EPS15L1: variants seen among roughly 807,000 people sequenced by gnomAD.
EPS15L1 encodes the protein epidermal growth factor receptor substrate 15-like 1.
Under a neutral mutation model 117.1 loss-of-function variants are expected in EPS15L1, and 43 were observed. That is an observed-to-expected ratio of 0.37 (90% CI 0.29 to 0.47). The LOEUF is 0.47. Ranked by LOEUF, EPS15L1 falls within the 20% of genes least tolerant of loss-of-function variation. The pLI, the probability that EPS15L1 is intolerant of heterozygous loss-of-function variation, is 0.99. For synonymous variants in EPS15L1, 459 were observed against 470.5 expected, an observed-to-expected ratio of 0.98 and a Z score of 0.32; for missense variants, 981 against 1,164.0, an observed-to-expected ratio of 0.84 and a Z score of 2.29.
rs1251592575 is a variant in EPS15L1 at position 16,381,286 on chromosome 19, A to G, written c.2247+3843T>C. The stretch of plus-strand genomic sequence containing the variant: ...AAAGGAGGCGCAGCCTGCCCACATC[A>G]CACAGCAGGTCCACGGCGGATCCAG... On this transcript the variant is annotated intron_variant, in intron 21 of 23. Coordinates refer to ENST00000455140, the MANE Select transcript of EPS15L1 (RefSeq NM_001258374.3). This position sits in a 1 kb window ranked among gnomAD's most constrained non-coding sequence, Gnocchi z 4.2. Among the ~76,000 whole-genome samples, 5 of 152,216 alleles carry G rather than the reference A, an allele frequency of 3.3e-5. No individual in the cohort carries two copies. The highest frequency in any genetic ancestry group is 1.2e-4 in the African/African-American group (5 of 41,454).
rs1460260558 is a variant in EPS15L1 at position 16,370,810 on chromosome 19, G to A, written c.2380+6312C>T. On this transcript the variant is annotated intron_variant, in intron 22 of 23. Transcript: ENST00000455140. This position sits in a 1 kb window ranked among gnomAD's most constrained non-coding sequence, Gnocchi z 5.2. The stretch of plus-strand genomic sequence containing the variant: ...CAGCCCTAAGACAGACCTTCCAGAG[G>A]GCTCAGACGGAAGCTCTGAAGCTTC... Among the ~76,000 whole-genome samples the A allele has an allele frequency of 1.3e-5, 2 of 152,198 alleles. No homozygotes were observed. The highest frequency in any genetic ancestry group is 2.9e-5 in the Non-Finnish European group (2 of 68,040).
intron 16 of EPS15L1, among the ~76,000 whole-genome samples, chr19:16,399,289 C>T (rs2092572697): frequency 6.6e-6 from 1 of 152,154 alleles, no homozygotes; most frequent in Non-Finnish European, 1.5e-5. Flanking sequence ...TACAAAGATA[C>T]CATCAACTCT....
chr19:16,427,010 T>A (rs766791166), intron 8 of EPS15L1, among the ~76,000 whole-genome samples: 1 of 152,162 alleles, frequency 6.6e-6, no homozygotes, highest in South Asian at 2.1e-4. Flanking sequence ...TGAAGAGGCA[T>A]CATGTCTGCA....
At position 16,418,054 on chromosome 19, in the gene EPS15L1, G is replaced by A. The variant is rs1319219960; in HGVS notation, c.1001C>T (p.Ala334Val). The stretch of plus-strand genomic sequence containing the variant: ...CTGCTGAATGAAATACATAGCTAAC[G>A]CGAATTGGTCTTTGCTTAACTTCCC... Reference protein sequence around the residue: ...QTGKLSKDQFALAMYFIQQKV... With the variant: ...QTGKLSKDQFVLAMYFIQQKV... The change falls in exon 11 of 24, where the codon GCG becomes GTG. Residue 334 changes from alanine (A) to valine (V), a missense_variant. Coordinates refer to ENST00000455140, the MANE Select transcript of EPS15L1 (RefSeq NM_001258374.3). The A allele has an allele frequency of 2.5e-6, 4 of 1,614,212 alleles. No individual in the cohort carries two copies. The highest frequency in any genetic ancestry group is 1.3e-5 in the African/African-American group (1 of 75,064).
rs2092485607 is a variant in EPS15L1 at position 16,392,338 on chromosome 19, T to C, written c.2069A>G (p.Asp690Gly). ...KQTKNDPFTS[D>G]PFTKNPSLPS... is the part of the protein sequence containing the mutation. Reference sequence around the variant, plus strand: ...TAAGGAAGGGTTTTTCGTGAATGGATCCGAGGTAAATGGGTCATTCTTTGT... The same window carrying C: ...TAAGGAAGGGTTTTTCGTGAATGGACCCGAGGTAAATGGGTCATTCTTTGT... Residue 690 changes from aspartate to glycine, a missense_variant, in exon 19 of 24, where the codon GAT becomes GGT. By Grantham distance (94) the Asp-to-Gly change is moderately conservative (BLOSUM62 -1). Around this residue, in one of 5 missense-constraint regions of EPS15L1, gnomAD observed 819 missense variants for 949.0 expected, o/e 0.86. Coordinates refer to ENST00000455140, the MANE Select transcript of EPS15L1 (RefSeq NM_001258374.3). The C allele has an allele frequency of 1.2e-6, 2 of 1,614,160 alleles. No individual in the cohort carries two copies. Among genetic ancestry groups the C allele is most frequent in the Non-Finnish European group, 1.7e-6 (2 of 1,180,006 alleles).
chr19:16,356,170 G>C (rs1322604073), intron 23 of EPS15L1, among the ~76,000 whole-genome samples: 1 of 152,244 alleles, frequency 6.6e-6, no homozygotes, highest in Non-Finnish European at 1.5e-5. Flanking sequence ...GTGGCCAAGA[G>C]GTGCAAAGAT....
chr19:16,388,041 A>G (rs2092438720), intron 19 of EPS15L1, among the ~76,000 whole-genome samples: 1 of 152,130 alleles, frequency 6.6e-6, no homozygotes, highest in South Asian at 2.1e-4. Context: ...AAAGCTTACC[A>G]AATTTGTTTT....
At chr19:16,438,214 G>A (rs755254156) in intron 4 of EPS15L1, among the ~76,000 whole-genome samples, 10 of 152,118 alleles carry the variant, frequency 6.6e-5, no homozygotes, top group East Asian at 1.9e-4. Context: ...TCAGCCAGGC[G>A]TGGTGGCAGG....
At chr19:16,453,189 T>C (rs1377764198) in intron 1 of EPS15L1, among the ~76,000 whole-genome samples, 1 of 152,096 alleles carries the variant, frequency 6.6e-6, no homozygotes, top group Non-Finnish European at 1.5e-5. Flanking sequence ...AGCCTCAACC[T>C]CCTGGACTTA....
Position 16,370,257 on chromosome 19 carries a change from G to A in EPS15L1, c.2380+6865C>T, listed in dbSNP as rs2092202599. ...CAGTTAGCAGTGGCAGGCAAGGGGCGCGCTGACTCAGGGCTTTGAATAGGA... is the reference window on the plus strand; with the variant it reads ...CAGTTAGCAGTGGCAGGCAAGGGGCACGCTGACTCAGGGCTTTGAATAGGA... On this transcript the variant is annotated intron_variant, in intron 22 of 23. Coordinates refer to ENST00000455140, the MANE Select transcript of EPS15L1 (RefSeq NM_001258374.3). This position sits in a 1 kb window ranked among gnomAD's most constrained non-coding sequence, Gnocchi z 5.2. Among the ~76,000 whole-genome samples, 1 of 152,120 alleles carries A rather than the reference G, an allele frequency of 6.6e-6. No individual in the cohort carries two copies. Among genetic ancestry groups the A allele is most frequent in the Non-Finnish European group, 1.5e-5 (1 of 68,014 alleles).
chr19:16,405,903 A>G lies in EPS15L1; in HGVS notation c.1267-1154T>C, dbSNP rs900933154. Among the ~76,000 whole-genome samples, 5 of 152,210 alleles carry G rather than the reference A, an allele frequency of 3.3e-5. No individual in the cohort carries two copies. Among genetic ancestry groups the G allele is most frequent in the African/African-American group, 9.7e-5 (4 of 41,446 alleles). ...AAATAGCACAACGGGCATTGTGACA[A>G]GCCTCCTCCCTCCAGCTGCCATGTG... is the stretch of plus-strand genomic sequence containing the variant. On this transcript the variant is annotated intron_variant, in intron 13 of 23. Transcript: ENST00000455140. This position sits in a 1 kb window ranked among gnomAD's most constrained non-coding sequence, Gnocchi z 4.0.
At position 16,398,994 on chromosome 19, in the gene EPS15L1, GT is replaced by G. The variant is rs201394637; in HGVS notation, c.1791+3326del. Among the ~76,000 whole-genome samples the G allele has an allele frequency of 1.3e-3, 197 of 148,780 alleles. 2 individuals are homozygous for G. The highest frequency in any genetic ancestry group is 3.9e-3 in the African/African-American group (157 of 40,604). ...TTTTTAATTGGCATTTATTTATAAG[GT>G]TTTTTTTTTTCAGTGTTTTCAGTCG... is the stretch of plus-strand genomic sequence containing the variant. On this transcript the variant is annotated intron_variant, in intron 16 of 23. Transcript: ENST00000455140.
intron 22 of EPS15L1, among the ~76,000 whole-genome samples, chr19:16,369,654 C>T (rs748944338): frequency 7.1e-6 from 1 of 140,304 alleles, no homozygotes; most frequent in Non-Finnish European, 1.6e-5. Context: ...GCAAGGGCTG[C>T]ACCAGCCCTG....
Position 16,386,187 on chromosome 19 carries a change from G to C in EPS15L1, c.2148C>G (p.Val716=). The C allele has an allele frequency of 6.2e-7, 1 of 1,612,208 alleles. No homozygotes were observed. The highest frequency in any genetic ancestry group is 8.5e-7 in the Non-Finnish European group (1 of 1,178,458). Residue 716 remains valine, a synonymous_variant, in exon 20 of 24, where the codon GTC becomes GTG. Coordinates refer to ENST00000455140, the MANE Select transcript of EPS15L1 (RefSeq NM_001258374.3). ...GGGTCTCACCTGATCCTTTTGAGGAGACACTGGAGGATGAAAAGGGATCAC... is the reference window on the plus strand; with the variant it reads ...GGGTCTCACCTGATCCTTTTGAGGACACACTGGAGGATGAAAAGGGATCAC... ...ESSDPFSSSS[V]SSKGSDPFGT...
chr19:16,450,768 C>A (rs1568462134), intron 1 of EPS15L1, among the ~76,000 whole-genome samples: 2 of 151,940 alleles, frequency 1.3e-5, no homozygotes, highest in East Asian at 2.0e-4. Context: ...CAGGCGTGAG[C>A]CACCACGCCT....
chr19:16,428,577 G>GGAAAA (rs567923417), intron 8 of EPS15L1, 125 bp downstream of exon 8: 486 of 671,082 alleles, frequency 7.2e-4, no homozygotes, highest in African/African-American at 5.4e-3. Context: ...GAAAAGGAAA[G>GGAAAA]GAAAAGAAAA....
Position 16,373,232 on chromosome 19 carries a change from AG to A in EPS15L1, c.2380+3889del, listed in dbSNP as rs141050242. Among the ~76,000 whole-genome samples, 969 of 152,154 alleles carry A rather than the reference AG, an allele frequency of 6.4e-3. 11 individuals carry two copies. The highest frequency in any genetic ancestry group is 0.022 in the African/African-American group (927 of 41,496). On this transcript the variant is annotated intron_variant, in intron 22 of 23. Transcript: ENST00000455140. ...CTCAAGGCTCGACCGCCAGGCTCAC[AG>A]GGGGTCGCATTTCACCTTCCTCCTC...
At chr19:16,410,164 G>A (rs560729407) in intron 13 of EPS15L1, among the ~76,000 whole-genome samples, 2 of 150,632 alleles carry the variant, frequency 1.3e-5, no homozygotes, top group Admixed American at 6.6e-5. Flanking sequence ...TTTAAAAATC[G>A]GCAAGAAAAA....
chr19:16,433,595 G>A (rs1217747608), intron 7 of EPS15L1, among the ~76,000 whole-genome samples: 2 of 152,130 alleles, frequency 1.3e-5, no homozygotes, highest in Non-Finnish European at 2.9e-5. Flanking sequence ...AGGCTGAGGT[G>A]GGAGGATGGC....
Sources: allele counts gnomAD v4.1 joint callset (sites outside exome capture counted in the v4.1 genomes callset), GRCh38; gene constraint gnomAD v4.1.1; regional missense constraint gnomAD v4.1.1; non-coding constraint Gnocchi (gnomAD v3.1); transcripts MANE v1.5; gene names NCBI Gene and HGNC (gene_info 2026-07-23, HGNC 2026-07-21).